SERINC5: variants seen among roughly 807,000 people sequenced by gnomAD.
SERINC5 encodes serine incorporator 5.
Under a neutral mutation model 63.1 loss-of-function variants are expected in SERINC5, and 41 were observed. The observed-to-expected ratio is 0.65, with a 90% confidence interval of 0.51 to 0.84. The LOEUF (loss-of-function observed/expected upper bound fraction) is 0.84. Among genes scored for constraint, SERINC5 ranks in the 40% least tolerant of loss-of-function variants. The probability of loss-of-function intolerance (pLI) is 0.00; values close to 1 mark genes in which losing one functional copy is unlikely to be tolerated. For missense variants in SERINC5, 523 were observed against 573.0 expected, an observed-to-expected ratio of 0.91 and a Z score of 0.89; for synonymous variants, 222 against 215.2, an observed-to-expected ratio of 1.03 and a Z score of -0.28.
chr5:80,209,855 C>T (rs955001193), intron 1 of SERINC5, among the ~76,000 whole-genome samples: 6 of 151,994 alleles, frequency 3.9e-5, no homozygotes, highest in African/African-American at 1.2e-4. Context: ...TCAGCCCAGC[C>T]GGGGTAACAT....
Position 80,140,662 on chromosome 5 carries a change from T to C in SERINC5, c.*3001A>G, listed in dbSNP as rs895482900. On this transcript the variant is annotated 3_prime_UTR_variant, in exon 12 of 12. Coordinates refer to ENST00000507668, the MANE Select transcript of SERINC5 (RefSeq NM_001174072.3). ...TGGTTGGGTTTCTGAAGGCTTATAA[T>C]GGAAATAGTCTCTAGTCTCCAGTCA... is the stretch of plus-strand genomic sequence containing the variant. 1.0e-5 allele frequency: 10 copies of C among 985,204 alleles called. No homozygotes were observed. Among genetic ancestry groups the C allele is most frequent in the African/African-American group, 1.7e-5 (1 of 57,194 alleles). 61.0% of individuals were successfully genotyped at this position (985,204 alleles called of 1,614,324 possible).
Position 80,139,403 on chromosome 5 carries a change from A to C in SERINC5, c.*4260T>G. 5 of 985,206 alleles carry C rather than the reference A, an allele frequency of 5.1e-6. No individual in the cohort carries two copies. Among genetic ancestry groups the C allele is most frequent in the Non-Finnish European group, 6.0e-6 (5 of 829,786 alleles). The allele number at this position is 985,206 out of a possible 1,614,324, so 61.0% of individuals were successfully genotyped here. A position where few individuals can be genotyped will look rare whatever the true frequency, so the allele number is the denominator to read the frequency against. ...GATTACCTTAAAGAGTTCTTCCATC[A>C]TTTTACTCATGTGAATATGATTAAA... On this transcript the variant is annotated 3_prime_UTR_variant, in exon 12 of 12. Coordinates refer to ENST00000507668, the MANE Select transcript of SERINC5 (RefSeq NM_001174072.3).
chr5:80,230,370 G>C (rs1580197637), intron 1 of SERINC5, among the ~76,000 whole-genome samples: 2 of 145,970 alleles, frequency 1.4e-5, no homozygotes, highest in Middle Eastern at 7.2e-3. Flanking sequence ...TGAGATAGGA[G>C]AACCATTTGA....
At position 80,177,978 on chromosome 5, in the gene SERINC5, G is replaced by A. The variant is rs1448184205; in HGVS notation, c.282C>T (p.Val94=). ...AGAAGAAACAAGCCATTCCAAAACA[G>A]ACTCTATACACGGCAGAATATCCCA... The part of the protein sequence containing the change: ...KLVGYSAVYR[V]CFGMACFFFI... Residue 94 remains valine (V), a synonymous_variant, in exon 3 of 12, where the codon GTC becomes GTT. Transcript: ENST00000507668. 6.2e-7 allele frequency: 1 copy of A among 1,612,688 alleles called. No homozygotes were observed. The highest frequency in any genetic ancestry group is 1.1e-5 in the South Asian group (1 of 90,782).
chr5:80,144,566 A>G (rs1160987160), intron 11 of SERINC5, among the ~76,000 whole-genome samples: 1 of 152,192 alleles, frequency 6.6e-6, no homozygotes. Flanking sequence ...TTTCCAAGCC[A>G]AAAATTCCCA....
intron 1 of SERINC5, among the ~76,000 whole-genome samples, chr5:80,243,768 T>TAAAC (rs1752047033): frequency 6.7e-6 from 1 of 150,200 alleles, no homozygotes; most frequent in Non-Finnish European, 1.5e-5. Flanking sequence ...AATAAATAAA[T>TAAAC]AAATAAATAA....
rs964749403 is a variant in SERINC5 at position 80,179,298 on chromosome 5, C to CA, written c.196-1235dup. On this transcript the variant is annotated intron_variant, in intron 2 of 11. Coordinates refer to ENST00000507668, the MANE Select transcript of SERINC5 (RefSeq NM_001174072.3). ...TGGGCAACAGAGTGAGACTCTGTCC[C>CA]AAAAAAAGAAAACAAAAATAAACAA... 6.6e-4 allele frequency among the ~76,000 whole-genome samples: 100 copies of CA among 151,958 alleles called. 1 individual carries two copies. Among genetic ancestry groups the CA allele is most frequent in the Middle Eastern group, 3.4e-3 (1 of 294 alleles).
chr5:80,208,188 T>C (rs1750260909), intron 1 of SERINC5, among the ~76,000 whole-genome samples: 1 of 151,970 alleles, frequency 6.6e-6, no homozygotes, highest in Admixed American at 6.6e-5. Context: ...CAAGAGGGAA[T>C]GCTAATGTAA....
intron 9 of SERINC5, among the ~76,000 whole-genome samples, chr5:80,148,565 G>T (rs1745975153): frequency 6.6e-6 from 1 of 151,942 alleles, no homozygotes; most frequent in South Asian, 2.1e-4. Flanking sequence ...CTATTTGGGA[G>T]ACTGAGGGAG....
At chr5:80,251,290 GCATA>G (rs201874043) in intron 1 of SERINC5, among the ~76,000 whole-genome samples, 18,846 of 98,314 alleles carry the variant, frequency 0.19, 1,273 homozygotes, top group South Asian at 0.24. Flanking sequence ...ATACATACAT[GCATA>G]CATACATACA....
intron 1 of SERINC5, among the ~76,000 whole-genome samples, chr5:80,230,626 A>C (rs1302837629): frequency 6.6e-6 from 1 of 152,170 alleles, no homozygotes. Context: ...ACTCTGTGAC[A>C]CCAGCACAAT....
chr5:80,140,859 G>C lies in SERINC5; in HGVS notation c.*2804C>G, dbSNP rs1442514494. 1 of 985,224 alleles carries C rather than the reference G, an allele frequency of 1.0e-6. No individual in the cohort carries two copies. The highest frequency in any genetic ancestry group is 1.2e-6 in the Non-Finnish European group (1 of 829,912). The allele number at this position is 985,224 out of a possible 1,614,324, so 61.0% of individuals were successfully genotyped here. A position where few individuals can be genotyped will look rare whatever the true frequency, so the allele number is the denominator to read the frequency against. On this transcript the variant is annotated 3_prime_UTR_variant, in exon 12 of 12. Coordinates refer to ENST00000507668, the MANE Select transcript of SERINC5 (RefSeq NM_001174072.3). ...TCCTCTTCAACTGTCATCCCTAAAT[G>C]TGTCTGACCAGCAGCTTCTGGGAAT...
chr5:80,186,763 C>G (rs766404184), intron 2 of SERINC5, among the ~76,000 whole-genome samples: 3 of 152,140 alleles, frequency 2.0e-5, no homozygotes, highest in South Asian at 2.1e-4. Flanking sequence ...ATGCTACAAA[C>G]ATAGAAAACA....
chr5:80,172,322 C>T (rs1747722334), intron 5 of SERINC5, among the ~76,000 whole-genome samples: 1 of 151,944 alleles, frequency 6.6e-6, no homozygotes, highest in Middle Eastern at 3.2e-3. Flanking sequence ...CCCTGTCTCA[C>T]ACAAAAAGGG....
intron 11 of SERINC5, among the ~76,000 whole-genome samples, chr5:80,126,450 C>T (rs140467496): frequency 1.3e-5 from 2 of 152,188 alleles, no homozygotes; most frequent in Non-Finnish European, 2.9e-5. Context: ...GTGCTAGATG[C>T]TTCTAAGCCT....
At chr5:80,190,408 TA>T (rs1749109300) in intron 2 of SERINC5, among the ~76,000 whole-genome samples, 1 of 152,054 alleles carries the variant, frequency 6.6e-6, no homozygotes, top group Non-Finnish European at 1.5e-5. Context: ...ATATAATTTG[TA>T]AAAATCCAGT....
chr5:80,206,665 A>G (rs909121707), intron 1 of SERINC5, among the ~76,000 whole-genome samples: 21 of 151,920 alleles, frequency 1.4e-4, no homozygotes, highest in African/African-American at 4.6e-4. Context: ...GATGTTCTCA[A>G]TCTCTGATTT....
intron 2 of SERINC5, among the ~76,000 whole-genome samples, chr5:80,186,215 C>T (rs1168669412): frequency 6.6e-6 from 1 of 150,394 alleles, no homozygotes; most frequent in East Asian, 1.9e-4. Flanking sequence ...CAGCTCACTG[C>T]AACCTCTGCC....
Position 80,142,155 on chromosome 5 carries a change from C to T in SERINC5, c.*1508G>A, listed in dbSNP as rs1745546039. ...GATTCTTTCCACCCCGAATGAAATT[C>T]TAACAGGAGTTTCCACCAAGTAAAC... On this transcript the variant is annotated 3_prime_UTR_variant, in exon 12 of 12. Coordinates refer to ENST00000507668, the MANE Select transcript of SERINC5 (RefSeq NM_001174072.3). 3 of 985,426 alleles carry T rather than the reference C, an allele frequency of 3.0e-6. No individual in the cohort carries two copies. The highest frequency in any genetic ancestry group is 3.6e-6 in the Non-Finnish European group (3 of 829,932). The allele number at this position is 985,426 out of a possible 1,614,324, so 61.0% of individuals were successfully genotyped here. A position where few individuals can be genotyped will look rare whatever the true frequency, so the allele number is the denominator to read the frequency against.
Sources: gnomAD v4.1 joint callset for allele counts (sites outside exome capture counted in the v4.1 genomes callset) on GRCh38, gnomAD v4.1.1 for gene constraint, MANE v1.5 for transcripts, NCBI Gene and HGNC (gene_info 2026-07-23, HGNC 2026-07-21) for gene names.